Variants in DIAPH3 observed in about 807,000 individuals in gnomAD.
DIAPH3 encodes the protein protein diaphanous homolog 3.
Under a neutral mutation model 144.3 loss-of-function variants are expected in DIAPH3, and 117 were observed. The ratio of observed to expected loss-of-function variants is 0.81; its 90% CI spans 0.70 to 0.95. The LOEUF (loss-of-function observed/expected upper bound fraction) is 0.95. DIAPH3 is among the 40% of genes least tolerant of loss of function. The pLI, the probability that DIAPH3 is intolerant of heterozygous loss-of-function variation, is 0.00. For missense variants in DIAPH3, 1,421 were observed against 1,412.7 expected (o/e 1.01, Z -0.09); for synonymous variants, 519 against 488.9 (o/e 1.06, Z -0.81).
Position 60,018,691 on chromosome 13 carries a change from A to T in DIAPH3, c.627-2546T>A, listed in dbSNP as rs572563130. 2.6e-5 allele frequency among the ~76,000 whole-genome samples: 4 copies of T among 152,224 alleles called. 1 individual carries two copies. The East Asian group carries it at 7.7e-4, about 29-fold the overall frequency. Reference sequence around the variant, plus strand: ...TAAACCAAATCACTTCATCTATTACAATCTTTTAAGTCACTGTGGGAATTT... The same window carrying T: ...TAAACCAAATCACTTCATCTATTACTATCTTTTAAGTCACTGTGGGAATTT... On this transcript the variant is annotated intron_variant, in intron 5 of 27. Transcript: ENST00000400324.
At chr13:59,834,863 G>A (rs968512637) in intron 23 of DIAPH3, among the ~76,000 whole-genome samples, 28 of 151,672 alleles carry the variant, frequency 1.8e-4, no homozygotes, top group African/African-American at 6.5e-4. Context: ...CAACACTGAG[G>A]CCAAATTCTC....
intron 3 of DIAPH3, among the ~76,000 whole-genome samples, chr13:60,102,195 A>T (rs1270742306): frequency 6.6e-6 from 1 of 152,138 alleles, no homozygotes; most frequent in East Asian, 1.9e-4. Flanking sequence ...CACCTCAAGA[A>T]AGGGCATTAC....
intron 27 of DIAPH3, among the ~76,000 whole-genome samples, chr13:59,714,033 C>G (rs1057093166): frequency 6.6e-6 from 1 of 152,032 alleles, no homozygotes; most frequent in African/African-American, 2.4e-5. Flanking sequence ...CTGAGTAACA[C>G]AGTGAGGTCC....
intron 27 of DIAPH3, among the ~76,000 whole-genome samples, chr13:59,749,239 G>A (rs766943176): frequency 1.2e-4 from 16 of 129,694 alleles, no homozygotes; most frequent in South Asian, 2.5e-4. Flanking sequence ...AAAAAAGTAC[G>A]GCCGGGTGCA....
rs113565111 is a variant in DIAPH3 at position 59,737,349 on chromosome 13, T to G, written c.3319+36840A>C. On this transcript the variant is annotated intron_variant, in intron 27 of 27. Coordinates refer to ENST00000400324, the MANE Select transcript of DIAPH3 (RefSeq NM_001042517.2). ...AAAGTGGGCAAAGGATATGAACAGT[T>G]CTGCCTAATTTTAATGCCTATATTC... 6.8e-3 allele frequency among the ~76,000 whole-genome samples: 1,035 copies of G among 152,272 alleles called. 18 individuals carry two copies. Among genetic ancestry groups the G allele is most frequent in the African/African-American group, 0.023 (972 of 41,566 alleles).
At chr13:60,073,780 C>T (rs1238888415) in intron 4 of DIAPH3, among the ~76,000 whole-genome samples, 1 of 152,160 alleles carries the variant, frequency 6.6e-6, no homozygotes, top group Non-Finnish European at 1.5e-5. Flanking sequence ...TAAATGAGTG[C>T]CAATTTACTA....
At chr13:59,691,517 T>A (rs568067607) in intron 27 of DIAPH3, among the ~76,000 whole-genome samples, 2 of 152,298 alleles carry the variant, frequency 1.3e-5, no homozygotes, top group African/African-American at 4.8e-5. Flanking sequence ...ATTAATATGC[T>A]TTATATCAGC....
intron 1 of DIAPH3, among the ~76,000 whole-genome samples, chr13:60,134,655 A>G (rs2059223690): frequency 1.3e-5 from 2 of 152,148 alleles, no homozygotes; most frequent in African/African-American, 4.8e-5. Context: ...TATCACTCCA[A>G]TCACATCTCA....
chr13:60,157,072 G>A (rs1333750649), intron 1 of DIAPH3, among the ~76,000 whole-genome samples: 2 of 151,092 alleles, frequency 1.3e-5, no homozygotes, highest in African/African-American at 4.9e-5. Context: ...AGCCTCCGGA[G>A]TAGGTGGGAT....
chr13:59,929,176 A>G (rs1445296500), intron 17 of DIAPH3, among the ~76,000 whole-genome samples: 4 of 152,182 alleles, frequency 2.6e-5, no homozygotes, highest in Non-Finnish European at 5.9e-5. Context: ...GTATTATGCA[A>G]ACATTCCAAA....
At chr13:59,871,080 T>C (rs2044240422) in intron 21 of DIAPH3, among the ~76,000 whole-genome samples, 1 of 152,110 alleles carries the variant, frequency 6.6e-6, no homozygotes, top group South Asian at 2.1e-4. Context: ...ATTCCAATTG[T>C]TCATTGCTGG....
At chr13:59,994,769 G>A (rs2052087425) in intron 9 of DIAPH3, among the ~76,000 whole-genome samples, 1 of 151,792 alleles carries the variant, frequency 6.6e-6, no homozygotes, top group Admixed American at 6.6e-5. Flanking sequence ...GTTTGTCAAG[G>A]TAGAAAGGGG....
intron 3 of DIAPH3, among the ~76,000 whole-genome samples, chr13:60,099,778 C>G (rs1470532510): frequency 6.6e-6 from 1 of 152,026 alleles, no homozygotes; most frequent in Non-Finnish European, 1.5e-5. Context: ...CTGACTAGCA[C>G]TAGGAACAGA....
intron 1 of DIAPH3, 131 bp from the exon 2 acceptor site, chr13:60,133,120 C>T (rs2059184567): frequency 1.6e-6 from 1 of 639,076 alleles, no homozygotes; most frequent in African/African-American, 1.8e-5. Context: ...AATAAAAACA[C>T]ATTATATATA....
intron 25 of DIAPH3, among the ~76,000 whole-genome samples, chr13:59,806,176 A>C (rs902633569): frequency 1.3e-5 from 2 of 152,060 alleles, no homozygotes; most frequent in African/African-American, 4.8e-5. Flanking sequence ...AAGCTAAAAC[A>C]AAAAGTTCCT....
intron 4 of DIAPH3, among the ~76,000 whole-genome samples, chr13:60,073,392 T>A (rs948213555): frequency 2.6e-5 from 4 of 152,148 alleles, no homozygotes; most frequent in African/African-American, 9.7e-5. Context: ...CATTTCCTAG[T>A]AAATGAAGGA....
chr13:59,709,687 C>T (rs1344803454), intron 27 of DIAPH3, among the ~76,000 whole-genome samples: 4 of 152,290 alleles, frequency 2.6e-5, no homozygotes, highest in Middle Eastern at 3.4e-3. Context: ...GGCAGTGTGG[C>T]GATTCCTCAG....
rs935891025 is a variant in DIAPH3, at chr13:59,842,751, T to C, written c.2738-3303A>G. Among the ~76,000 whole-genome samples the C allele has an allele frequency of 1.3e-5, 2 of 152,106 alleles. 1 individual carries two copies. Among genetic ancestry groups the C allele is most frequent in the South Asian group, 4.2e-4 (2 of 4,816 alleles). Reference sequence around the variant, plus strand: ...ACTCACAGAAATCAGGAAAGCACTATACTTATGATTGTAGCTTTATTATGA... The same window carrying C: ...ACTCACAGAAATCAGGAAAGCACTACACTTATGATTGTAGCTTTATTATGA... On this transcript the variant is annotated intron_variant, in intron 22 of 27. Coordinates refer to ENST00000400324, the MANE Select transcript of DIAPH3 (RefSeq NM_001042517.2).
At chr13:59,948,422 G>A (rs867012234) in intron 17 of DIAPH3, among the ~76,000 whole-genome samples, 7 of 152,136 alleles carry the variant, frequency 4.6e-5, no homozygotes, top group Middle Eastern at 3.4e-3. Context: ...GTCCCTGTAC[G>A]TCTACCTAGT....
Sources: allele counts gnomAD v4.1 joint callset (sites outside exome capture counted in the v4.1 genomes callset), GRCh38; gene constraint gnomAD v4.1.1; transcripts MANE v1.5; gene names NCBI Gene and HGNC (gene_info 2026-07-23, HGNC 2026-07-21).